PDE6A: variants seen among roughly 807,000 people sequenced by gnomAD.
The protein encoded by PDE6A is rod cGMP-specific 3',5'-cyclic phosphodiesterase subunit alpha.
In PDE6A, 84 loss-of-function variants were observed where a neutral mutation model predicts 106.3. That is an observed-to-expected ratio of 0.79 (90% CI 0.66 to 0.95). The LOEUF is 0.95. Among genes scored for constraint, PDE6A ranks in the 40% least tolerant of loss-of-function variants. The probability of loss-of-function intolerance (pLI) is 0.00; values close to 1 mark genes in which losing one functional copy is unlikely to be tolerated. For synonymous variants in PDE6A, 394 were observed against 386.6 expected (o/e 1.02, Z -0.23); for missense variants, 1,052 against 1,084.9 (o/e 0.97, Z 0.43).
Position 149,884,768 on chromosome 5 carries a change from C to T in PDE6A, c.1926+12G>A. On this transcript the variant is annotated intron_variant, in intron 15 of 21. Transcript: ENST00000255266. ...GGCCCCGCGGCCTGTAGACCCTTGG[C>T]CCTCATCCTACCTCGTCTCTGAGCA... The T allele has an allele frequency of 6.2e-7, 1 of 1,611,788 alleles. No homozygotes were observed. Among genetic ancestry groups the T allele is most frequent in the South Asian group, 1.1e-5 (1 of 91,034 alleles).
rs549530093 is a variant in PDE6A, at chr5:149,904,211, C to T, written c.1066-516G>A. Among the ~76,000 whole-genome samples the T allele has an allele frequency of 7.9e-5, 12 of 152,320 alleles. No homozygotes were observed. The East Asian group carries it at 2.1e-3, about 27-fold the overall frequency. On this transcript the variant is annotated intron_variant, in intron 7 of 21. Transcript: ENST00000255266. ...GCAGTGAGCCGAGATCGTGCCACTGCACTCCAGCCTGAGCGACAGAGTGAG... is the reference window on the plus strand; with the variant it reads ...GCAGTGAGCCGAGATCGTGCCACTGTACTCCAGCCTGAGCGACAGAGTGAG...
chr5:149,870,617 G>C (rs1186829738), intron 17 of PDE6A, among the ~76,000 whole-genome samples: 4 of 152,052 alleles, frequency 2.6e-5, no homozygotes, highest in African/African-American at 9.7e-5. Context: ...CAAGGTGCCA[G>C]AAAAGCCAAT....
Position 149,860,643 on chromosome 5 carries a change from T to A in PDE6A, c.*252A>T. On this transcript the variant is annotated 3_prime_UTR_variant, in exon 22 of 22. Coordinates refer to ENST00000255266, the MANE Select transcript of PDE6A (RefSeq NM_000440.3). ...TTTCTTAAAACATTATGAAATTTTT[T>A]TTTTTGGCGATTTTTTTTTTTAAGT... 2.5e-6 allele frequency: 1 copy of A among 397,210 alleles called. No individual in the cohort carries two copies. Among genetic ancestry groups the A allele is most frequent in the African/African-American group, 2.0e-5 (1 of 49,094 alleles). The allele number at this position is 397,210 out of a possible 1,614,324, so 24.6% of individuals were successfully genotyped here. A position where few individuals can be genotyped will look rare whatever the true frequency, so the allele number is the denominator to read the frequency against.
rs779224800 is a variant in PDE6A at position 149,896,579 on chromosome 5, C to T, written c.1474-77G>A. 1.3e-4 allele frequency: 213 copies of T among 1,613,800 alleles called. 1 individual carries two copies. The highest frequency in any genetic ancestry group is 4.0e-4 in the South Asian group (36 of 90,980). On this transcript the variant is annotated intron_variant, in intron 11 of 21. Transcript: ENST00000255266. ...GCCCACCTCCTGTCCAGCCCTGTCCCCATCCTGGGTCTGCTGGAAGGATCA... is the reference window on the plus strand; with the variant it reads ...GCCCACCTCCTGTCCAGCCCTGTCCTCATCCTGGGTCTGCTGGAAGGATCA...
chr5:149,872,461 A>G (rs1427458407), intron 17 of PDE6A, among the ~76,000 whole-genome samples: 1 of 152,064 alleles, frequency 6.6e-6, no homozygotes, highest in Non-Finnish European at 1.5e-5. Context: ...TCGTGTGTAG[A>G]GCTCTCAAAA....
chr5:149,944,343 T>A lies in PDE6A; in HGVS notation c.331A>T (p.Arg111Trp), dbSNP rs2277925. 11 of 1,613,940 alleles carry A rather than the reference T, an allele frequency of 6.8e-6. No homozygotes were observed. The highest frequency in any genetic ancestry group is 5.0e-5 in the Admixed American group (3 of 59,996). The change falls in exon 1 of 22, where the codon AGG becomes TGG. Residue 111 changes from arginine (R) to tryptophan (W), a missense_variant. By Grantham distance (101) the Arg-to-Trp change is moderately radical. This residue lies in a region of PDE6A where 913 missense variants were observed against 915.2 expected (regional missense o/e 1.00). Coordinates refer to ENST00000255266, the MANE Select transcript of PDE6A (RefSeq NM_000440.3). ...GCATCCTTGTGGACATTGAAAAGCC[T>A]GGTGGCCAGCTCTGCGATGCCATTG... Reference protein sequence around the residue: ...TRNGIAELATRLFNVHKDAVL... With the variant: ...TRNGIAELATWLFNVHKDAVL...
At chr5:149,916,878 T>G (rs1015067711) in intron 5 of PDE6A, among the ~76,000 whole-genome samples, 1 of 152,156 alleles carries the variant, frequency 6.6e-6, no homozygotes, top group South Asian at 2.1e-4. Context: ...TCCGCATCAC[T>G]GTCACCTTGA....
At chr5:149,868,017 CT>C (rs1197930059) in intron 18 of PDE6A, 77 bp downstream of exon 18, 6 of 1,412,730 alleles carry the variant, frequency 4.2e-6, no homozygotes, top group Admixed American at 3.3e-5. Context: ...TGGAGCTGGG[CT>C]GAGAGAGTCC....
intron 21 of PDE6A, among the ~76,000 whole-genome samples, chr5:149,862,127 G>A (rs1022620233): frequency 3.3e-5 from 5 of 152,102 alleles, no homozygotes; most frequent in Non-Finnish European, 7.3e-5. Context: ...GTGCAAAGGA[G>A]GGCAGTCAGG....
At chr5:149,867,531 G>C in intron 19 of PDE6A, 194 bp downstream of exon 19, 2 of 658,166 alleles carry the variant, frequency 3.0e-6, no homozygotes, top group South Asian at 1.7e-5. Flanking sequence ...TGAGGCTTGT[G>C]AATATACATA....
At chr5:149,882,223 C>T (rs1242290689) in intron 17 of PDE6A, among the ~76,000 whole-genome samples, 6 of 151,976 alleles carry the variant, frequency 3.9e-5, no homozygotes, top group African/African-American at 1.5e-4. Context: ...GGTTGGACAA[C>T]TGCAGGGCTG....
At chr5:149,896,818 A>G (rs763136720) in intron 10 of PDE6A, 42 bp from the exon 11 acceptor site, 73 of 1,604,096 alleles carry the variant, frequency 4.6e-5, no homozygotes, top group Non-Finnish European at 6.2e-5. Flanking sequence ...AATAGGTTAC[A>G]ACATGCCTCC....
intron 1 of PDE6A, among the ~76,000 whole-genome samples, chr5:149,936,843 C>G (rs993286066): frequency 6.6e-6 from 1 of 152,168 alleles, no homozygotes; most frequent in African/African-American, 2.4e-5. Flanking sequence ...AGAGGCTGAG[C>G]TAGGGAAAGA....
chr5:149,932,953 G>C (rs1754085865), intron 3 of PDE6A, among the ~76,000 whole-genome samples: 1 of 152,228 alleles, frequency 6.6e-6, no homozygotes, highest in Non-Finnish European at 1.5e-5. Flanking sequence ...GTGGCCAGCA[G>C]AGGGCCAGGG....
At chr5:149,931,841 CA>C (rs1754045156) in intron 3 of PDE6A, among the ~76,000 whole-genome samples, 1 of 152,088 alleles carries the variant, frequency 6.6e-6, no homozygotes, top group Non-Finnish European at 1.5e-5. Context: ...ACAAAACATG[CA>C]AAAGGAGAAT....
rs1370721169 is a variant in PDE6A at position 149,863,279 on chromosome 5, G to A, written c.2359-13C>T. 6.2e-7 allele frequency: 1 copy of A among 1,614,082 alleles called. No individual in the cohort carries two copies. The highest frequency in any genetic ancestry group is 8.5e-7 in the Non-Finnish European group (1 of 1,179,948). On this transcript the variant is annotated splice_polypyrimidine_tract_variant and intron_variant, in intron 20 of 21. Coordinates refer to ENST00000255266, the MANE Select transcript of PDE6A (RefSeq NM_000440.3). The surrounding 1 kb of genome is among the most constrained non-coding windows in gnomAD (Gnocchi z 4.7). ...AACGGGAGAATTCCTAGAAGAGAGAGTATGTGCCTCTGGTGCAAGGGCCAG... is the reference window on the plus strand; with the variant it reads ...AACGGGAGAATTCCTAGAAGAGAGAATATGTGCCTCTGGTGCAAGGGCCAG...
chr5:149,884,003 G>A (rs1761027256), intron 16 of PDE6A, among the ~76,000 whole-genome samples: 2 of 151,958 alleles, frequency 1.3e-5, no homozygotes, highest in Admixed American at 6.6e-5. Flanking sequence ...GATCAGCCTG[G>A]GTAACATAGT....
At chr5:149,931,229 T>C (rs1478264476) in intron 3 of PDE6A, 61 bp from the exon 4 acceptor site, 2 of 1,484,598 alleles carry the variant, frequency 1.3e-6, no homozygotes, top group Non-Finnish European at 1.9e-6. Flanking sequence ...CTCACTTAGC[T>C]GGAGAATAAC....
At chr5:149,902,679 G>A (rs962431026) in intron 8 of PDE6A, among the ~76,000 whole-genome samples, 9 of 151,960 alleles carry the variant, frequency 5.9e-5, no homozygotes, top group East Asian at 1.9e-4. Flanking sequence ...AAAATTAGCC[G>A]GGCGTAGTGG....
Sources: allele counts gnomAD v4.1 joint callset (sites outside exome capture counted in the v4.1 genomes callset), GRCh38; gene constraint gnomAD v4.1.1; regional missense constraint gnomAD v4.1.1; non-coding constraint Gnocchi (gnomAD v3.1); transcripts MANE v1.5; gene names NCBI Gene and HGNC (gene_info 2026-07-23, HGNC 2026-07-21).